Variants in UBR3 observed in about 807,000 individuals in gnomAD.
UBR3 encodes the protein ubiquitin protein ligase E3 component n-recognin 3.
A neutral mutation model predicts 243.2 loss-of-function variants in UBR3; 85 were observed. The observed-to-expected ratio is 0.35, with a 90% CI of 0.29 to 0.42. The LOEUF (loss-of-function observed/expected upper bound fraction) is 0.42. UBR3 is among the 10% of genes least tolerant of loss of function. The pLI is 1.00. For synonymous variants in UBR3, 748 were observed against 799.8 expected (o/e 0.94, Z 1.09); for missense variants, 1,686 against 2,300.8 (o/e 0.73, Z 5.47).
At chr2:169,898,586 A>C (rs1324111504) in intron 8 of UBR3, among the ~76,000 whole-genome samples, 2 of 150,814 alleles carry the variant, frequency 1.3e-5, no homozygotes, top group Non-Finnish European at 2.9e-5. Context: ...ACTCTTTCTT[A>C]CCTACTTTGT....
chr2:169,998,978 C>T (rs1175153974), intron 26 of UBR3, among the ~76,000 whole-genome samples: 3 of 152,170 alleles, frequency 2.0e-5, no homozygotes, highest in Admixed American at 2.0e-4. Context: ...CAGTGTTAGG[C>T]ACTTAGCACA....
chr2:170,048,138 G>GGT (rs997334648), intron 32 of UBR3, among the ~76,000 whole-genome samples: 2 of 152,144 alleles, frequency 1.3e-5, no homozygotes, highest in Non-Finnish European at 2.9e-5. Context: ...GGCACACTGA[G>GGT]GTGTGAACGA....
At chr2:169,875,300 A>G (rs566627504) in intron 2 of UBR3, among the ~76,000 whole-genome samples, 1 of 152,196 alleles carries the variant, frequency 6.6e-6, no homozygotes, top group South Asian at 2.1e-4. Flanking sequence ...TATATGTGGA[A>G]GTATAGGGCC....
intron 24 of UBR3, among the ~76,000 whole-genome samples, chr2:169,963,823 T>C (rs1271281843): frequency 6.6e-6 from 1 of 152,148 alleles, no homozygotes; most frequent in Non-Finnish European, 1.5e-5. Context: ...ATTCCAAACA[T>C]AGAGGAAAGC....
intron 11 of UBR3, 119 bp from the exon 12 acceptor site, chr2:169,923,810 G>A (rs2085798772): frequency 1.1e-6 from 1 of 913,354 alleles, no homozygotes; most frequent in South Asian, 2.1e-5. Flanking sequence ...AAAATGTTAA[G>A]TTTTGAACTA....
chr2:169,829,808 A>G (rs2081871007), intron 1 of UBR3, among the ~76,000 whole-genome samples: 1 of 140,516 alleles, frequency 7.1e-6, no homozygotes, highest in African/African-American at 2.8e-5. Flanking sequence ...ATATATAGCT[A>G]AAAAGTACAC....
chr2:169,882,131 A>G (rs1235785333), intron 5 of UBR3, among the ~76,000 whole-genome samples: 2 of 129,750 alleles, frequency 1.5e-5, no homozygotes, highest in Non-Finnish European at 3.1e-5. Context: ...TATTATATAC[A>G]TATATTTATA....
intron 1 of UBR3, among the ~76,000 whole-genome samples, chr2:169,855,346 T>A (rs2082799373): frequency 6.6e-6 from 1 of 152,190 alleles, no homozygotes; most frequent in African/African-American, 2.4e-5. Flanking sequence ...TTTAATTTTT[T>A]AATTTTTATT....
Position 169,958,504 on chromosome 2 carries a change from T to C in UBR3, c.3612T>C (p.Phe1204=). ...AGTTTGCTTCACGACAGAAAAGCTT[T>C]ATGGAAACTGCAATGGATGTTGGTA... ...LAEFASRQKS[F]METAMDVDSP... is the part of the protein sequence containing the mutation. The change falls in exon 24 of 39, where the codon TTT becomes TTC. Residue 1204 remains phenylalanine (F), a synonymous_variant. Transcript: ENST00000272793. 1 of 1,613,034 alleles carries C rather than the reference T, an allele frequency of 6.2e-7. No homozygotes were observed. Among genetic ancestry groups the C allele is most frequent in the Non-Finnish European group, 8.5e-7 (1 of 1,179,288 alleles).
intron 8 of UBR3, among the ~76,000 whole-genome samples, chr2:169,900,235 C>T (rs1336429924): frequency 6.6e-6 from 1 of 152,204 alleles, no homozygotes; most frequent in Non-Finnish European, 1.5e-5. Context: ...ATTTGCATTT[C>T]TCTAATGACC....
intron 32 of UBR3, among the ~76,000 whole-genome samples, chr2:170,045,459 C>T (rs957811101): frequency 3.9e-5 from 6 of 152,214 alleles, no homozygotes; most frequent in Middle Eastern, 3.4e-3. Flanking sequence ...CAAATCTGTT[C>T]TTAACCATGC....
intron 6 of UBR3, among the ~76,000 whole-genome samples, chr2:169,893,752 G>C (rs1267064702): frequency 1.3e-5 from 2 of 152,146 alleles, no homozygotes; most frequent in East Asian, 1.9e-4. Flanking sequence ...TTTAGAGACA[G>C]GGTTTTGCCA....
chr2:169,872,178 T>G (rs1199311369), intron 1 of UBR3, 58 bp from the exon 2 acceptor site: 5 of 1,187,974 alleles, frequency 4.2e-6, no homozygotes, highest in Non-Finnish European at 5.6e-6. Flanking sequence ...TAAATAGAAA[T>G]AATATATTTT....
intron 23 of UBR3, 21 bp downstream of exon 23, chr2:169,950,086 T>G (rs2086952384): frequency 6.6e-7 from 1 of 1,524,292 alleles, no homozygotes; most frequent in African/African-American, 1.4e-5. Flanking sequence ...TTTTTAATGT[T>G]TTAAACGTGT....
intron 29 of UBR3, among the ~76,000 whole-genome samples, chr2:170,009,169 A>G (rs549910163): frequency 3.1e-4 from 47 of 152,222 alleles, no homozygotes; most frequent in Non-Finnish European, 4.6e-4. Context: ...ATTATAGTAC[A>G]TGGGGGAAAG....
intron 1 of UBR3, among the ~76,000 whole-genome samples, chr2:169,845,378 G>C (rs1443297656): frequency 6.7e-6 from 1 of 149,618 alleles, no homozygotes; most frequent in African/African-American, 2.5e-5. Flanking sequence ...AGCCAGGATG[G>C]CGCCACTGCA....
At chr2:169,875,661 T>A (rs1256551439) in intron 2 of UBR3, 130 bp from the exon 3 acceptor site, 5 of 921,734 alleles carry the variant, frequency 5.4e-6, no homozygotes, top group Middle Eastern at 3.6e-4. Context: ...AGTTCTTGTA[T>A]TGACTTTTTT....
intron 33 of UBR3, among the ~76,000 whole-genome samples, chr2:170,060,426 A>G (rs1292371266): frequency 6.6e-6 from 1 of 152,016 alleles, no homozygotes; most frequent in Admixed American, 6.6e-5. Flanking sequence ...GTCCTATTTT[A>G]TTTTTATAGT....
At chr2:170,001,912 C>CAAAAAAAAAAAAAAATAAAAAAAAA (rs2089716320) in intron 27 of UBR3, among the ~76,000 whole-genome samples, 1 of 67,510 alleles carries the variant, frequency 1.5e-5, no homozygotes, top group Non-Finnish European at 2.5e-5. Context: ...GACTCCATCT[C>CAAAAAAAAAAAAAAATAAAAAAAAA]AAAAAAAAAA....
Sources: gnomAD v4.1 joint callset for allele counts (sites outside exome capture counted in the v4.1 genomes callset) on GRCh38, gnomAD v4.1.1 for gene constraint, MANE v1.5 for transcripts, NCBI Gene and HGNC (gene_info 2026-07-23, HGNC 2026-07-21) for gene names.